DGKH: variants seen among roughly 807,000 people sequenced by gnomAD.
The protein encoded by DGKH is diacylglycerol kinase eta.
In DGKH, 90 loss-of-function variants were observed where a neutral mutation model predicts 159.3. That is an observed-to-expected ratio of 0.57 (90% CI 0.48 to 0.67). The LOEUF (loss-of-function observed/expected upper bound fraction) is 0.67. DGKH is among the 30% of genes least tolerant of loss of function. The probability of loss-of-function intolerance (pLI) is 0.00; values close to 1 mark genes in which losing one functional copy is unlikely to be tolerated. For missense variants in DGKH, 1,181 were observed against 1,506.1 expected (o/e 0.78, Z 3.57); for synonymous variants, 536 against 553.8 (o/e 0.97, Z 0.45).
intron 1 of DGKH, among the ~76,000 whole-genome samples, chr13:42,121,731 C>CTA (rs1349608926): frequency 6.6e-6 from 1 of 152,190 alleles, no homozygotes; most frequent in African/African-American, 2.4e-5. Flanking sequence ...ACACATGAGA[C>CTA]TATAGCATGG....
At chr13:42,123,785 G>A (rs969298290) in intron 1 of DGKH, among the ~76,000 whole-genome samples, 8 of 152,210 alleles carry the variant, frequency 5.3e-5, no homozygotes, top group Non-Finnish European at 1.2e-4. Context: ...ACCACAATGA[G>A]ATACTATGTA....
At position 42,163,160 on chromosome 13, in the gene DGKH, A is replaced by G. The variant is rs1000079835; in HGVS notation, c.856-2171A>G. On this transcript the variant is annotated intron_variant, in intron 7 of 29. Coordinates refer to ENST00000337343, the MANE Select transcript of DGKH (RefSeq NM_178009.5). ...AGTTTACTGAGAATGATGATTTCCAATTTCATCCATGTCCCTACAAAGGAC... is the reference window on the plus strand; with the variant it reads ...AGTTTACTGAGAATGATGATTTCCAGTTTCATCCATGTCCCTACAAAGGAC... Among the ~76,000 whole-genome samples the G allele has an allele frequency of 5.2e-4, 78 of 150,968 alleles. 3 individuals carry two copies. In the South Asian group the frequency reaches 0.015, roughly 29 times the overall value.
upstream of DGKH, chr13:42,043,741 C>G (rs1880646951): frequency 6.6e-6 from 1 of 152,190 alleles, no homozygotes; most frequent in African/African-American, 2.4e-5. Context: ...GCTTAATATT[C>G]ATTCTGTTCA....
intron 1 of DGKH, among the ~76,000 whole-genome samples, chr13:42,104,389 C>G (rs1954708573): frequency 6.6e-6 from 1 of 152,206 alleles, no homozygotes; most frequent in Non-Finnish European, 1.5e-5. Flanking sequence ...AGGCCTAGGC[C>G]AAAGTGGCAC....
chr13:42,071,894 T>C (rs1275471110), intron 1 of DGKH, among the ~76,000 whole-genome samples: 1 of 152,176 alleles, frequency 6.6e-6, no homozygotes, highest in African/African-American at 2.4e-5. Context: ...TGGTTTAATT[T>C]AAAAGGAACA....
Position 42,178,250 on chromosome 13 carries a change from T to G in DGKH, c.1538+30T>G, listed in dbSNP as rs746393346. 9 of 1,509,818 alleles carry G rather than the reference T, an allele frequency of 6.0e-6. No individual in the cohort carries two copies. The Admixed American group carries it at 1.5e-4, about 25-fold the overall frequency. The allele number at this position is 1,509,818 out of a possible 1,614,324, so 93.5% of individuals were successfully genotyped here. On this transcript the variant is annotated intron_variant, in intron 13 of 29. Transcript: ENST00000337343. ...GTTGTGGGTTTTAAGTCTTTAAATA[T>G]GGTGAAAATGAAATGATAGCTGGCT...
chr13:42,199,717 A>T (rs941692051), intron 19 of DGKH, 41 bp downstream of exon 19: 4 of 1,557,960 alleles, frequency 2.6e-6, no homozygotes, highest in Admixed American at 2.0e-5. Context: ...CATAAAGGCA[A>T]TTTTTTCTTC....
At chr13:42,245,452 A>G (rs113189237), downstream of DGKH, among the ~76,000 whole-genome samples, 1 of 152,338 alleles carries the variant, frequency 6.6e-6, no homozygotes, top group African/African-American at 2.4e-5. Flanking sequence ...TCACCTATAG[A>G]TTGAATGCAA....
At chr13:42,222,346 A>G (rs547297424) in intron 29 of DGKH, among the ~76,000 whole-genome samples, 4 of 152,320 alleles carry the variant, frequency 2.6e-5, no homozygotes, top group South Asian at 4.1e-4. Flanking sequence ...TTTATCTACA[A>G]ATACATTAGC....
chr13:42,121,431 T>C lies in DGKH; in HGVS notation c.193-6032T>C, dbSNP rs146949224. On this transcript the variant is annotated intron_variant, in intron 1 of 29. Coordinates refer to ENST00000337343, the MANE Select transcript of DGKH (RefSeq NM_178009.5). ...TTTGACTTACAATATTTTCAACTTA[T>C]GATGAGTTTATTAGTATGTTCATTG... Among the ~76,000 whole-genome samples the C allele has an allele frequency of 5.3e-5, 8 of 152,314 alleles. No homozygotes were observed. In the East Asian group the frequency reaches 1.5e-3, roughly 29 times the overall value.
Position 42,196,632 on chromosome 13 carries a change from C to T in DGKH, c.2167+1616C>T, listed in dbSNP as rs1226964358. On this transcript the variant is annotated intron_variant, in intron 17 of 29. Coordinates refer to ENST00000337343, the MANE Select transcript of DGKH (RefSeq NM_178009.5). Reference sequence around the variant, plus strand: ...AAGGACCTGGAGGTGAGGTGATCGACGGAATGGAAAATGACAGCTAGTGGG... The same window carrying T: ...AAGGACCTGGAGGTGAGGTGATCGATGGAATGGAAAATGACAGCTAGTGGG... Among the ~76,000 whole-genome samples, 5 of 152,000 alleles carry T rather than the reference C, an allele frequency of 3.3e-5. No individual in the cohort carries two copies. The South Asian group carries it at 6.2e-4, about 19-fold the overall frequency.
intron 3 of DGKH, among the ~76,000 whole-genome samples, chr13:42,143,788 C>G (rs1272177789): frequency 2.0e-5 from 3 of 151,994 alleles, no homozygotes; most frequent in Admixed American, 2.0e-4. Flanking sequence ...ATTCTTCTCT[C>G]TTTTTTTCTT....
At chr13:42,155,257 A>G (rs1956014085) in intron 3 of DGKH, 34 bp from the exon 4 acceptor site, 1 of 1,497,690 alleles carries the variant, frequency 6.7e-7, no homozygotes. Flanking sequence ...CTCTTTGGGT[A>G]TTAACAATCA....
intron 1 of DGKH, among the ~76,000 whole-genome samples, chr13:42,108,701 G>A (rs1255025557): frequency 6.6e-6 from 1 of 152,184 alleles, no homozygotes; most frequent in Non-Finnish European, 1.5e-5. Context: ...ATTTATTTTA[G>A]GAGTTATGTA....
chr13:42,221,200 A>G (rs1311813755), intron 28 of DGKH, 64 bp from the exon 29 acceptor site: 6 of 1,586,898 alleles, frequency 3.8e-6, no homozygotes, highest in East Asian at 4.5e-5. Flanking sequence ...TCTTTGGCCA[A>G]CCTTTGCTTT....
At chr13:42,187,297 A>T in intron 14 of DGKH, 149 bp downstream of exon 14, 2 of 657,374 alleles carry the variant, frequency 3.0e-6, no homozygotes, top group Middle Eastern at 2.5e-4. Context: ...TGAGAATTTT[A>T]AAAAATATTC....
At chr13:42,040,999 G>A (rs1880464816) in intron 1 of DGKH, among the ~76,000 whole-genome samples, 1 of 151,572 alleles carries the variant, frequency 6.6e-6, no homozygotes, top group African/African-American at 2.4e-5. Flanking sequence ...CCCCCGCCCG[G>A]GCCGGGTTCC....
At chr13:42,175,245 A>G (rs866347143) in intron 12 of DGKH, among the ~76,000 whole-genome samples, 35 of 152,338 alleles carry the variant, frequency 2.3e-4, no homozygotes, top group South Asian at 1.0e-3. Flanking sequence ...GTATTTTAAA[A>G]ACTTTTTCTG....
intron 17 of DGKH, among the ~76,000 whole-genome samples, chr13:42,196,192 A>G (rs988450832): frequency 1.3e-5 from 2 of 152,190 alleles, no homozygotes; most frequent in Admixed American, 6.5e-5. Flanking sequence ...ACTTTCATGC[A>G]TTGGTGGTAG....
Sources: allele counts gnomAD v4.1 joint callset (sites outside exome capture counted in the v4.1 genomes callset), GRCh38; gene constraint gnomAD v4.1.1; transcripts MANE v1.5; gene names NCBI Gene and HGNC (gene_info 2026-07-23, HGNC 2026-07-21).